Variants in OCA2 observed in about 807,000 individuals in gnomAD.
OCA2 encodes the protein OCA2 melanosomal transmembrane protein.
In OCA2, 77 loss-of-function variants were observed where a neutral mutation model predicts 100.2. That is an observed-to-expected ratio of 0.77 (90% CI 0.64 to 0.93). The LOEUF (loss-of-function observed/expected upper bound fraction) is 0.93, where lower values mean the gene tolerates loss of function less well. OCA2 is among the 40% of genes least tolerant of loss of function. The pLI is 0.00. For missense variants in OCA2, 1,062 were observed against 1,089.1 expected, an observed-to-expected ratio of 0.98 and a Z score of 0.35; for synonymous variants, 432 against 439.2, an observed-to-expected ratio of 0.98 and a Z score of 0.21.
chr15:27,900,962 TAAC>T (rs1335763745), intron 19 of OCA2, among the ~76,000 whole-genome samples: 1 of 152,208 alleles, frequency 6.6e-6, no homozygotes, highest in Non-Finnish European at 1.5e-5. Flanking sequence ...AGAAGTGAGT[TAAC>T]TAACAATTCA....
chr15:27,843,009 A>G (rs2035397796), intron 23 of OCA2, among the ~76,000 whole-genome samples: 1 of 152,166 alleles, frequency 6.6e-6, no homozygotes. Context: ...CCAAAGTGCT[A>G]CTTGGGAAAA....
chr15:27,723,102 C>G, the OCA2 span, among the ~76,000 whole-genome samples: 8 of 152,158 alleles, frequency 5.3e-5, no homozygotes, highest in East Asian at 1.4e-3. Flanking sequence ...CTCACCCTCC[C>G]AAAGTGTTGG....
In OCA2 at chr15:28,018,453, C is replaced by T. The variant is rs147432138; in HGVS notation, c.751G>A (p.Val251Met). The change falls in exon 7 of 24, where the codon GTG becomes ATG. Residue 251 changes from valine to methionine, a missense_variant. Transcript: ENST00000354638. ...GCGTCAGCCTGGGTCAGCTCCACCA[C>T]GATGTGCTCTTCCCTCCCAGGACGA... ...PSRPGREEHI[V>M]VELTQADALG... 3.7e-4 allele frequency: 601 copies of T among 1,614,108 alleles called. 3 individuals are homozygous for T. The highest frequency in any genetic ancestry group is 1.2e-3 in the Middle Eastern group (7 of 6,062).
At chr15:27,796,481 G>A (rs950039126) in intron 23 of OCA2, among the ~76,000 whole-genome samples, 2 of 152,270 alleles carry the variant, frequency 1.3e-5, no homozygotes, top group African/African-American at 2.4e-5. Flanking sequence ...GGTACTCAGC[G>A]AGTGCTGGTG....
At chr15:27,969,407 A>G (rs575152927) in intron 14 of OCA2, among the ~76,000 whole-genome samples, 1 of 152,200 alleles carries the variant, frequency 6.6e-6, no homozygotes, top group Non-Finnish European at 1.5e-5. Flanking sequence ...GTGCAGTGGG[A>G]TGCAGATGTT....
intron 6 of OCA2, among the ~76,000 whole-genome samples, chr15:28,018,793 CCCACA>C (rs1457676565): frequency 6.6e-6 from 1 of 152,170 alleles, no homozygotes; most frequent in Non-Finnish European, 1.5e-5. Context: ...AGAGGTGCCC[CCCACA>C]CCAGGGAAAG....
chr15:27,871,668 G>C (rs1196226096), intron 20 of OCA2, among the ~76,000 whole-genome samples, 195 bp downstream of exon 20: 1 of 152,226 alleles, frequency 6.6e-6, no homozygotes, highest in African/African-American at 2.4e-5. Flanking sequence ...AAAAGAGCAG[G>C]CATCTGTAAT....
At chr15:28,053,739 C>A (rs1162055517) in intron 2 of OCA2, among the ~76,000 whole-genome samples, 1 of 152,224 alleles carries the variant, frequency 6.6e-6, no homozygotes, top group Non-Finnish European at 1.5e-5. Flanking sequence ...TCTGCTCTTG[C>A]AACTAGCTGA....
intron 19 of OCA2, among the ~76,000 whole-genome samples, chr15:27,914,939 C>T (rs1034282328): frequency 6.6e-6 from 1 of 152,110 alleles, no homozygotes; most frequent in Non-Finnish European, 1.5e-5. Context: ...AAGCTGGAGG[C>T]ATCACATTAC....
At chr15:27,793,406 TA>T (rs11431064) in intron 23 of OCA2, among the ~76,000 whole-genome samples, 1,479 of 147,804 alleles carry the variant, frequency 0.01, 23 homozygotes, top group Admixed American at 0.034. Context: ...CTTCCACCAT[TA>T]AAAAAAAAAA....
chr15:27,963,333 G>A (rs768448908), intron 15 of OCA2, among the ~76,000 whole-genome samples: 7 of 152,034 alleles, frequency 4.6e-5, no homozygotes, highest in East Asian at 1.9e-4. Flanking sequence ...AGCAGAATAC[G>A]TTTTCATTTC....
intron 18 of OCA2, among the ~76,000 whole-genome samples, chr15:27,947,077 C>T (rs1474127802): frequency 6.6e-6 from 1 of 152,222 alleles, no homozygotes; most frequent in Non-Finnish European, 1.5e-5. Flanking sequence ...CATGGCTGTC[C>T]ACACTTGGCT....
At chr15:28,023,482 G>A (rs1446215420) in intron 5 of OCA2, among the ~76,000 whole-genome samples, 2 of 152,236 alleles carry the variant, frequency 1.3e-5, no homozygotes, top group Admixed American at 6.5e-5. Flanking sequence ...CACATGCCAC[G>A]CGTGCAGGTC....
intron 23 of OCA2, among the ~76,000 whole-genome samples, chr15:27,812,014 T>C (rs1461682059): frequency 6.6e-6 from 1 of 152,176 alleles, no homozygotes; most frequent in African/African-American, 2.4e-5. Flanking sequence ...TAAAAAATGA[T>C]CTTGAAGTTG....
At chr15:27,781,514 T>C (rs561073960) in intron 23 of OCA2, among the ~76,000 whole-genome samples, 3 of 152,262 alleles carry the variant, frequency 2.0e-5, no homozygotes, top group South Asian at 2.1e-4. Flanking sequence ...CACCTTACCA[T>C]TGATTAATAC....
intron 23 of OCA2, among the ~76,000 whole-genome samples, chr15:27,824,799 G>A (rs1430300073): frequency 1.3e-5 from 2 of 151,554 alleles, no homozygotes; most frequent in South Asian, 2.1e-4. Context: ...GTGCACACAC[G>A]TAAGGCCTGT....
intron 23 of OCA2, among the ~76,000 whole-genome samples, chr15:27,814,572 T>G (rs1383365443): frequency 6.6e-6 from 1 of 152,166 alleles, no homozygotes; most frequent in Non-Finnish European, 1.5e-5. Context: ...AGCATAGGTG[T>G]GTTCATATTA....
intron 19 of OCA2, among the ~76,000 whole-genome samples, chr15:27,905,632 A>G (rs1455496388): frequency 2.0e-5 from 3 of 152,246 alleles, no homozygotes; most frequent in South Asian, 2.1e-4. Flanking sequence ...CCAAGTGGTC[A>G]AGTGGAAAAG....
At chr15:28,084,703 C>G (rs78509664) in intron 1 of OCA2, among the ~76,000 whole-genome samples, 2 of 152,118 alleles carry the variant, frequency 1.3e-5, no homozygotes, top group African/African-American at 2.4e-5. Flanking sequence ...TCCATGTCCT[C>G]GTGGCTGCAT....
Sources: gnomAD v4.1 joint callset for allele counts (sites outside exome capture counted in the v4.1 genomes callset) on GRCh38, gnomAD v4.1.1 for gene constraint, MANE v1.5 for transcripts, NCBI Gene and HGNC (gene_info 2026-07-23, HGNC 2026-07-21) for gene names.